Variants in VRK2 observed in about 807,000 individuals in gnomAD.
VRK2 encodes VRK serine/threonine kinase 2.
A neutral mutation model predicts 57.6 loss-of-function variants in VRK2; 60 were observed. The observed-to-expected ratio is 1.04, with a 90% CI of 0.85 to 1.29. VRK2 has a LOEUF of 1.29. Among genes scored for constraint, VRK2 ranks in the 50% most tolerant of loss-of-function variants. VRK2 has a pLI of 0.00. For missense variants in VRK2, 705 were observed against 588.1 expected (o/e 1.20, Z -2.06); for synonymous variants, 231 against 199.2 (o/e 1.16, Z -1.35).
intron 8 of VRK2, among the ~76,000 whole-genome samples, chr2:58,128,454 C>T (rs1420581443): frequency 2.0e-5 from 3 of 152,126 alleles, no homozygotes; most frequent in African/African-American, 7.2e-5. Context: ...GCCTCTGCCT[C>T]CTGAGTAGCT....
At chr2:58,107,187 C>G (rs996560926) in intron 7 of VRK2, among the ~76,000 whole-genome samples, 2 of 152,010 alleles carry the variant, frequency 1.3e-5, no homozygotes, top group African/African-American at 4.8e-5. Flanking sequence ...ATATTATTCC[C>G]TATTCAAATA....
intron 2 of VRK2, among the ~76,000 whole-genome samples, chr2:58,070,935 A>T (rs1232389012): frequency 6.6e-6 from 1 of 152,174 alleles, no homozygotes. Context: ...ACCAGCAATG[A>T]ATGAGAATTC....
intron 1 of VRK2, among the ~76,000 whole-genome samples, chr2:57,950,582 G>A (rs996595812): frequency 1.3e-5 from 2 of 152,176 alleles, no homozygotes; most frequent in African/African-American, 4.8e-5. Flanking sequence ...GAACTCAATG[G>A]AGATGTATAA....
At chr2:58,028,899 A>ATATAT (rs1674021434) in intron 2 of VRK2, among the ~76,000 whole-genome samples, 37 of 80,836 alleles carry the variant, frequency 4.6e-4, no homozygotes, top group African/African-American at 1.6e-3. Flanking sequence ...TAAATAAATA[A>ATATAT]ATAAATATAT....
intron 7 of VRK2, among the ~76,000 whole-genome samples, chr2:58,098,083 T>TGTGTGG (rs1673421559): frequency 6.7e-6 from 1 of 149,124 alleles, no homozygotes; most frequent in Non-Finnish European, 1.5e-5. Context: ...GGCTAATGGG[T>TGTGTGG]GTGTGATTGT....
intron 1 of VRK2, among the ~76,000 whole-genome samples, chr2:57,990,280 G>A (rs978580638): frequency 2.0e-5 from 3 of 152,052 alleles, no homozygotes; most frequent in Non-Finnish European, 2.9e-5. Flanking sequence ...TGATTTCTTC[G>A]TGAACTTTAA....
intron 2 of VRK2, among the ~76,000 whole-genome samples, chr2:58,068,017 C>G (rs985172011): frequency 6.6e-6 from 1 of 151,912 alleles, no homozygotes; most frequent in Non-Finnish European, 1.5e-5. Flanking sequence ...GCAGCCTGCA[C>G]CTCCTGGGTT....
At chr2:58,101,217 A>G (rs1434423646) in intron 7 of VRK2, among the ~76,000 whole-genome samples, 1 of 151,728 alleles carries the variant, frequency 6.6e-6, no homozygotes, top group Non-Finnish European at 1.5e-5. Context: ...TTACATATAT[A>G]ATTTTCCCTG....
intron 7 of VRK2, among the ~76,000 whole-genome samples, chr2:58,105,058 C>T (rs1212623659): frequency 6.6e-6 from 1 of 151,760 alleles, no homozygotes. Flanking sequence ...CAACAGTCAA[C>T]TCAAGATGGA....
chr2:57,932,221 A>G (rs1263285843), intron 1 of VRK2, among the ~76,000 whole-genome samples: 2 of 152,008 alleles, frequency 1.3e-5, no homozygotes, highest in African/African-American at 4.8e-5. Context: ...TTGTAAGATA[A>G]ACTAGTAGTG....
At chr2:57,937,714 ACTTT>A (rs1350896908) in intron 1 of VRK2, among the ~76,000 whole-genome samples, 1 of 151,958 alleles carries the variant, frequency 6.6e-6, no homozygotes, top group African/African-American at 2.4e-5. Context: ...AGAAAACCAT[ACTTT>A]CTTTACCCTT....
chr2:58,012,802 A>C (rs375069902), intron 1 of VRK2, among the ~76,000 whole-genome samples: 1 of 152,226 alleles, frequency 6.6e-6, no homozygotes, highest in East Asian at 1.9e-4. Flanking sequence ...ATTATAACAC[A>C]GTGGAAAAAT....
intron 1 of VRK2, among the ~76,000 whole-genome samples, chr2:57,942,784 C>T (rs949316474): frequency 1.3e-5 from 2 of 152,102 alleles, no homozygotes; most frequent in Non-Finnish European, 2.9e-5. Flanking sequence ...TATCCAGGTG[C>T]CAGGATGAGA....
intron 2 of VRK2, among the ~76,000 whole-genome samples, chr2:58,029,455 AG>A (rs1674046131): frequency 6.6e-6 from 1 of 152,164 alleles, no homozygotes; most frequent in Non-Finnish European, 1.5e-5. Flanking sequence ...GGTAGAAACA[AG>A]GTTTGACTTT....
chr2:57,910,858 G>C (rs975609046), intron 1 of VRK2, among the ~76,000 whole-genome samples: 17 of 152,074 alleles, frequency 1.1e-4, no homozygotes, highest in African/African-American at 3.9e-4. Flanking sequence ...ACACCTAAAG[G>C]ACTAACCAAT....
chr2:58,059,902 A>G (rs1004325788), intron 2 of VRK2, among the ~76,000 whole-genome samples: 10 of 151,818 alleles, frequency 6.6e-5, no homozygotes, highest in Admixed American at 4.6e-4. Context: ...GTTCTTGAGC[A>G]GTTACAGGGA....
intron 1 of VRK2, among the ~76,000 whole-genome samples, chr2:57,949,644 T>C (rs947340854): frequency 5.9e-5 from 9 of 152,262 alleles, no homozygotes; most frequent in African/African-American, 2.2e-4. Context: ...ATTATGCCAA[T>C]TAATAACCCT....
At chr2:58,063,241 G>GTT (rs780317845) in intron 2 of VRK2, among the ~76,000 whole-genome samples, 36 of 121,704 alleles carry the variant, frequency 3.0e-4, no homozygotes, top group South Asian at 8.5e-4. Flanking sequence ...TCACAGTTTT[G>GTT]TTTTTTTTTT....
chr2:58,060,217 T>C (rs936198306), intron 2 of VRK2, among the ~76,000 whole-genome samples: 1 of 151,812 alleles, frequency 6.6e-6, no homozygotes, highest in Non-Finnish European at 1.5e-5. Flanking sequence ...TGTTGCTGTG[T>C]GATGAAAAGA....
Sources: allele counts gnomAD v4.1 joint callset (sites outside exome capture counted in the v4.1 genomes callset), GRCh38; gene constraint gnomAD v4.1.1; transcripts MANE v1.5; gene names NCBI Gene and HGNC (gene_info 2026-07-23, HGNC 2026-07-21).